The following DTD1 variants were observed in gnomAD, a reference collection of about 807,000 sequenced individuals.
The protein encoded by DTD1 is D-aminoacyl-tRNA deacylase 1, also known as D-tyrosyl-tRNA deacylase 1 homolog.
Under a neutral mutation model 25.6 loss-of-function variants are expected in DTD1, and 13 were observed. The observed-to-expected ratio is 0.51, with a 90% CI of 0.33 to 0.81. The LOEUF (loss-of-function observed/expected upper bound fraction) is 0.81, where lower values mean the gene tolerates loss of function less well. DTD1 is among the 30% of genes least tolerant of loss of function. The pLI is 0.02. For synonymous variants in DTD1, 110 were observed against 103.6 expected, an observed-to-expected ratio of 1.06 and a Z score of -0.37; for missense variants, 193 against 266.4, an observed-to-expected ratio of 0.72 and a Z score of 1.92.
At chr20:18,711,928 G>GT (rs1414772319) in intron 4 of DTD1, among the ~76,000 whole-genome samples, 2 of 142,794 alleles carry the variant, frequency 1.4e-5, no homozygotes, top group Non-Finnish European at 1.5e-5. Flanking sequence ...GTTGCCGGGG[G>GT]TCGGGGGGCA....
rs1190675761 is a variant in DTD1, at chr20:18,628,109, T to C, written c.371-18T>C. 6.2e-7 allele frequency: 1 copy of C among 1,608,638 alleles called. No individual in the cohort carries two copies. The highest frequency in any genetic ancestry group is 1.3e-5 in the African/African-American group (1 of 74,750). ...CTGGTGTCTCCATCTTTGGTAACTG[T>C]TTGGATTGCTTTTTCAGATGGCAAG... On this transcript the variant is annotated intron_variant, in intron 3 of 5. Coordinates refer to ENST00000377452, the MANE Select transcript of DTD1 (RefSeq NM_080820.6).
chr20:18,643,793 T>C (rs983626972), intron 4 of DTD1, among the ~76,000 whole-genome samples: 2 of 152,210 alleles, frequency 1.3e-5, no homozygotes, highest in South Asian at 4.1e-4. Flanking sequence ...GCCCATTATT[T>C]TGAAGCATGT....
At chr20:18,671,426 C>T (rs897873953) in intron 4 of DTD1, among the ~76,000 whole-genome samples, 3 of 152,188 alleles carry the variant, frequency 2.0e-5, no homozygotes, top group Non-Finnish European at 2.9e-5. Context: ...TCTCCATCAG[C>T]ACAGAACAGC....
At chr20:18,743,327 T>C (rs2061285705) in intron 4 of DTD1, among the ~76,000 whole-genome samples, 1 of 152,258 alleles carries the variant, frequency 6.6e-6, no homozygotes, top group South Asian at 2.1e-4. Flanking sequence ...CGGTGTTCAG[T>C]GTGCTTAATG....
At position 18,662,484 on chromosome 20, in the gene DTD1, A is replaced by T. The variant is rs2060915097; in HGVS notation, c.477+34251A>T. ...AAATGCTGAGTAAAATCAGAACCAGACCTAACCTGACTGAGCAATTCCACT... is the reference window on the plus strand; with the variant it reads ...AAATGCTGAGTAAAATCAGAACCAGTCCTAACCTGACTGAGCAATTCCACT... On this transcript the variant is annotated intron_variant, in intron 4 of 5. Transcript: ENST00000377452. Among the ~76,000 whole-genome samples, 4 of 152,280 alleles carry T rather than the reference A, an allele frequency of 2.6e-5. No individual in the cohort carries two copies. The South Asian group carries it at 8.3e-4, about 32-fold the overall frequency.
At chr20:18,709,709 A>G (rs1199119111) in intron 4 of DTD1, among the ~76,000 whole-genome samples, 5 of 152,146 alleles carry the variant, frequency 3.3e-5, no homozygotes, top group Non-Finnish European at 7.3e-5. Flanking sequence ...TCATGATGCA[A>G]TTTATAATAC....
chr20:18,619,968 A>T (rs1253409250), intron 3 of DTD1: 4 of 152,060 alleles, frequency 2.6e-5, no homozygotes, highest in Non-Finnish European at 4.4e-5. Flanking sequence ...TATTATTTTT[A>T]GTTTTTAATT....
At chr20:18,689,197 G>C (rs1204134565) in intron 4 of DTD1, among the ~76,000 whole-genome samples, 1 of 152,168 alleles carries the variant, frequency 6.6e-6, no homozygotes, top group Non-Finnish European at 1.5e-5. Flanking sequence ...ACCAGAATGG[G>C]AGTCTGAGGC....
intron 4 of DTD1, among the ~76,000 whole-genome samples, chr20:18,669,830 A>G (rs995226030): frequency 3.3e-5 from 5 of 152,076 alleles, no homozygotes; most frequent in African/African-American, 1.2e-4. Flanking sequence ...ACATTTCTTG[A>G]ACGCTTTGAT....
intron 1 of DTD1, among the ~76,000 whole-genome samples, 183 bp from the exon 2 acceptor site, chr20:18,593,548 A>T (rs1249345311): frequency 6.6e-6 from 1 of 152,198 alleles, no homozygotes; most frequent in Non-Finnish European, 1.5e-5. Context: ...ATCAGAATGG[A>T]TGGGAATTAT....
chr20:18,673,006 C>T (rs1450672949), intron 4 of DTD1, among the ~76,000 whole-genome samples: 1 of 152,168 alleles, frequency 6.6e-6, no homozygotes, highest in Admixed American at 6.6e-5. Flanking sequence ...ATACTGAGCA[C>T]GGTGGTGGCT....
At chr20:18,614,287 A>G (rs1211950627) in intron 3 of DTD1, among the ~76,000 whole-genome samples, 1 of 152,180 alleles carries the variant, frequency 6.6e-6, no homozygotes, top group Non-Finnish European at 1.5e-5. Flanking sequence ...CACCCTAAGA[A>G]GCAGCCCTGT....
At chr20:18,750,385 G>A (rs2061317555) in intron 5 of DTD1, among the ~76,000 whole-genome samples, 2 of 152,170 alleles carry the variant, frequency 1.3e-5, no homozygotes, top group South Asian at 4.1e-4. Context: ...TCACTATGAA[G>A]GGAGTAGCAC....
intron 4 of DTD1, among the ~76,000 whole-genome samples, chr20:18,670,185 G>A (rs1046563255): frequency 6.6e-6 from 1 of 152,118 alleles, no homozygotes; most frequent in Non-Finnish European, 1.5e-5. Context: ...GGCTGGGTGC[G>A]GTGGCTCATG....
chr20:18,668,003 A>G (rs2060938254), intron 4 of DTD1, among the ~76,000 whole-genome samples: 1 of 152,222 alleles, frequency 6.6e-6, no homozygotes, highest in African/African-American at 2.4e-5. Context: ...GCACATGTGT[A>G]TGGCTGATAC....
intron 3 of DTD1, among the ~76,000 whole-genome samples, chr20:18,610,746 C>CA (rs1456277322): frequency 6.6e-6 from 1 of 151,978 alleles, no homozygotes; most frequent in Non-Finnish European, 1.5e-5. Context: ...CTCGTCTCTA[C>CA]AAAAAATGCA....
chr20:18,643,153 G>A (rs1451224764), intron 4 of DTD1: 2 of 171,528 alleles, frequency 1.2e-5, no homozygotes, highest in African/African-American at 4.8e-5. Context: ...GACCTCAGGT[G>A]ATCCACCCGC....
intron 4 of DTD1, among the ~76,000 whole-genome samples, chr20:18,658,144 T>C (rs1228944525): frequency 5.3e-5 from 8 of 151,774 alleles, no homozygotes; most frequent in Non-Finnish European, 1.2e-4. Flanking sequence ...TCTGTGTAGG[T>C]ATCTGGGGGA....
At chr20:18,703,474 C>T (rs187282387) in intron 4 of DTD1, among the ~76,000 whole-genome samples, 1 of 151,962 alleles carries the variant, frequency 6.6e-6, no homozygotes, top group Non-Finnish European at 1.5e-5. Flanking sequence ...TATTTTCTCA[C>T]CATTTATTTT....
Sources: allele counts gnomAD v4.1 joint callset (sites outside exome capture counted in the v4.1 genomes callset), GRCh38; gene constraint gnomAD v4.1.1; transcripts MANE v1.5; gene names NCBI Gene and HGNC (gene_info 2026-07-23, HGNC 2026-07-21).